Variants in CYLC1 observed in about 807,000 individuals in gnomAD.
CYLC1 encodes the protein cylicin-1.
A neutral mutation model predicts 31.6 loss-of-function variants in CYLC1; 2 were observed. The observed-to-expected ratio is 0.06, with a 90% CI of 0.03 to 0.20. The LOEUF is 0.20. Ranked by LOEUF, CYLC1 falls within the 10% of genes least tolerant of loss-of-function variation. CYLC1 has a pLI of 1.00. For missense variants in CYLC1, 595 were observed against 424.1 expected (o/e 1.40, Z -3.54); for synonymous variants, 185 against 153.0 (o/e 1.21, Z -1.54).
chrX:83,879,200 TA>T (rs1207465499), intron 4 of CYLC1, among the ~76,000 whole-genome samples: 1 of 110,380 alleles, frequency 9.1e-6, no homozygotes, highest in African/African-American at 3.3e-5. Flanking sequence ...AGAAACAATA[TA>T]AAATACGTAA....
rs1417322624 is a variant in CYLC1 at position 83,873,703 on chromosome X, CTA to C, written c.996_997del (p.Thr333Ter). On this transcript the variant is annotated frameshift_variant, in exon 4 of 5. Transcript: ENST00000329312. LOFTEE classifies it high-confidence loss of function. ...AAGGATGTAAAGAAGGACACAGAGT[CTA>C]CTGATGCTGAATCTGGAGACTCAAA... 5 of 1,192,446 alleles carry C rather than the reference CTA, an allele frequency of 4.2e-6. No individual in the cohort carries two copies. The East Asian group carries it at 1.2e-4, about 28-fold the overall frequency.
chrX:83,863,524 G>GA (rs1201021403), intron 1 of CYLC1, among the ~76,000 whole-genome samples: 5 of 110,526 alleles, frequency 4.5e-5, no homozygotes, highest in African/African-American at 9.9e-5. Context: ...CATCTTTGCT[G>GA]AAAAAAACAC....
chrX:83,872,513 A>T (rs181982814), intron 3 of CYLC1, among the ~76,000 whole-genome samples: 1 of 110,227 alleles, frequency 9.1e-6, no homozygotes, highest in African/African-American at 3.3e-5. Flanking sequence ...TTGGGGATAA[A>T]CAGTGTTCAA....
Position 83,873,215 on chromosome X carries a change from T to C in CYLC1, c.507T>C (p.Asn169=). 8.3e-7 allele frequency: 1 copy of C among 1,203,576 alleles called. No homozygotes were observed. The highest frequency in any genetic ancestry group is 1.1e-6 in the Non-Finnish European group (1 of 891,507). The part of the protein sequence containing the change: ...DKTPLKSSHE[N]EQSKKSKSSS... ...CTCCCTTAAAATCATCACATGAAAA[T>C]GAACAATCCAAGAAGTCAAAATCCA... is the stretch of plus-strand genomic sequence containing the variant. The change falls in exon 4 of 5, where the codon AAT becomes AAC. Residue 169 remains asparagine (N), a synonymous_variant. Coordinates refer to ENST00000329312, the MANE Select transcript of CYLC1 (RefSeq NM_021118.3).
chrX:83,863,349 C>G (rs2031542795), intron 1 of CYLC1, among the ~76,000 whole-genome samples: 1 of 111,064 alleles, frequency 9.0e-6, no homozygotes, highest in African/African-American at 3.3e-5. Context: ...ATCATTGATT[C>G]TACTACCTTT....
chrX:83,873,655 A>G lies in CYLC1; in HGVS notation c.947A>G (p.Asn316Ser). The part of the protein sequence containing the change: ...AKKDSKKVKK[N>S]VKKDDKKKDV... ...AAAGATTCAAAGAAAGTTAAGAAAA[A>G]TGTCAAGAAAGATGACAAGAAAAAG... Residue 316 changes from asparagine (N) to serine (S), a missense_variant, in exon 4 of 5, where the codon AAT becomes AGT. Asn to Ser is a conservative substitution (Grantham distance 46). Transcript: ENST00000329312. 1 of 1,199,917 alleles carries G rather than the reference A, an allele frequency of 8.3e-7. No individual in the cohort carries two copies. The highest frequency in any genetic ancestry group is 1.1e-6 in the Non-Finnish European group (1 of 891,183).
At chrX:83,866,407 C>T (rs1412727177) in intron 1 of CYLC1, among the ~76,000 whole-genome samples, 2 of 111,296 alleles carry the variant, frequency 1.8e-5, no homozygotes, top group African/African-American at 6.5e-5. Context: ...GCTTTCAGCT[C>T]TATCCTCAGA....
chrX:83,862,542 C>CA (rs1397587459), intron 1 of CYLC1, among the ~76,000 whole-genome samples: 67 of 106,416 alleles, frequency 6.3e-4, no homozygotes, highest in South Asian at 1.2e-3. Context: ...GACTCCGTCT[C>CA]AAAAAAAAAG....
rs1256103656 is a variant in CYLC1, at chrX:83,874,607, T to C, written c.1899T>C (p.Pro633=). The C allele has an allele frequency of 8.3e-7, 1 of 1,197,844 alleles. No homozygotes were observed. Among genetic ancestry groups the C allele is most frequent in the African/African-American group, 1.8e-5 (1 of 56,374 alleles). ...RLCWCKMPPP[P]PKPRYAPLPE... is the part of the protein sequence containing the mutation. The stretch of plus-strand genomic sequence containing the variant: ...GTTGGTGCAAGATGCCTCCTCCACC[T>C]CCAAAACCAAGATATGCTCCTTTGG... The change falls in exon 4 of 5, where the codon CCT becomes CCC. Residue 633 remains proline, a synonymous_variant. Coordinates refer to ENST00000329312, the MANE Select transcript of CYLC1 (RefSeq NM_021118.3).
chrX:83,873,528 A>G lies in CYLC1; in HGVS notation c.820A>G (p.Lys274Glu). Residue 274 changes from lysine (K) to glutamate (E), a missense_variant, in exon 4 of 5, where the codon AAG (lysine) becomes GAG (glutamate). By Grantham distance (56) the Lys-to-Glu change is moderately conservative. Coordinates refer to ENST00000329312, the MANE Select transcript of CYLC1 (RefSeq NM_021118.3). ...WLRNYSQNNSKNYSLKYTKYT... is the reference protein window; with the variant it reads ...WLRNYSQNNSENYSLKYTKYT... ...AAGGAATTACTCACAGAATAATTCAAAGAATTATTCTTTGAAGTATACAAA... is the reference window on the plus strand; with the variant it reads ...AAGGAATTACTCACAGAATAATTCAGAGAATTATTCTTTGAAGTATACAAA... 1 of 1,195,266 alleles carries G rather than the reference A, an allele frequency of 8.4e-7. No homozygotes were observed. The highest frequency in any genetic ancestry group is 1.1e-6 in the Non-Finnish European group (1 of 883,576).
chrX:83,885,755 AAAAC>A (rs1236026150), intron 4 of CYLC1, among the ~76,000 whole-genome samples: 12 of 109,854 alleles, frequency 1.1e-4, no homozygotes, highest in African/African-American at 3.3e-4. Context: ...ATAAGAAGAA[AAAAC>A]AAACTATGCA....
intron 1 of CYLC1, among the ~76,000 whole-genome samples, chrX:83,862,461 T>A (rs979492243): frequency 2.6e-4 from 28 of 109,712 alleles, no homozygotes; most frequent in African/African-American, 8.9e-4. Context: ...GAGAATGGCA[T>A]GAACCTGGGG....
chrX:83,885,746 T>G (rs775038803), intron 4 of CYLC1, among the ~76,000 whole-genome samples: 11 of 108,991 alleles, frequency 1.0e-4, no homozygotes, highest in Non-Finnish European at 1.9e-4. Flanking sequence ...CAGAAGAAAA[T>G]AAGAAGAAAA....
intron 1 of CYLC1, among the ~76,000 whole-genome samples, chrX:83,865,782 A>G (rs971815743): frequency 3.6e-5 from 4 of 111,411 alleles, no homozygotes; most frequent in African/African-American, 1.3e-4. Flanking sequence ...TCTTATATGC[A>G]CAATTGTCAT....
At chrX:83,869,970 C>T (rs2031642329) in intron 2 of CYLC1, 65 bp downstream of exon 2, 1 of 617,447 alleles carries the variant, frequency 1.6e-6, no homozygotes, top group Non-Finnish European at 2.2e-6. Flanking sequence ...GAACTAATGA[C>T]AAGTATATTC....
intron 2 of CYLC1, among the ~76,000 whole-genome samples, chrX:83,871,107 G>A (rs1446223752): frequency 4.6e-5 from 5 of 109,808 alleles, no homozygotes; most frequent in South Asian, 7.6e-4. Context: ...CAGGATAGAC[G>A]AGATGATGTA....
chrX:83,884,136 G>C (rs1314358715), intron 4 of CYLC1, among the ~76,000 whole-genome samples: 2 of 111,686 alleles, frequency 1.8e-5, no homozygotes, highest in East Asian at 5.6e-4. Context: ...GTGGGAGAAA[G>C]AGTTGGCAAG....
At chrX:83,884,579 C>A (rs957064081) in intron 4 of CYLC1, among the ~76,000 whole-genome samples, 5 of 111,101 alleles carry the variant, frequency 4.5e-5, no homozygotes, top group African/African-American at 1.6e-4. Flanking sequence ...CACTAAAGAA[C>A]TTACTCATGT....
intron 4 of CYLC1, among the ~76,000 whole-genome samples, chrX:83,877,421 A>G (rs992437150): frequency 4.5e-5 from 5 of 110,884 alleles, no homozygotes; most frequent in African/African-American, 1.6e-4. Context: ...GCAGAATAAA[A>G]TTTCTTACCC....
Sources: gnomAD v4.1 joint callset for allele counts (sites outside exome capture counted in the v4.1 genomes callset) on GRCh38, gnomAD v4.1.1 for gene constraint, MANE v1.5 for transcripts, NCBI Gene and HGNC (gene_info 2026-07-23, HGNC 2026-07-21) for gene names.